Variants in LIMS1 observed in about 807,000 individuals in gnomAD.
LIMS1 encodes the protein LIM and senescent cell antigen-like-containing domain protein 1.
In LIMS1, 18 loss-of-function variants were observed where a neutral mutation model predicts 44.1. That is an observed-to-expected ratio of 0.41 (90% CI 0.28 to 0.61). The LOEUF is 0.61. Among genes scored for constraint, LIMS1 ranks in the 20% least tolerant of loss-of-function variants. The pLI is 0.32. For missense variants in LIMS1, 201 were observed against 422.0 expected (o/e 0.48, Z 4.59); for synonymous variants, 93 against 149.1 (o/e 0.62, Z 2.74).
At chr2:108,548,549 G>C (rs1054838389) in intron 1 of LIMS1, among the ~76,000 whole-genome samples, 2 of 152,178 alleles carry the variant, frequency 1.3e-5, no homozygotes, top group African/African-American at 4.8e-5. Context: ...GACAGAGGAC[G>C]TTGGTGAAGT....
At chr2:108,585,017 G>A (rs1686038014) in intron 1 of LIMS1, among the ~76,000 whole-genome samples, 1 of 151,956 alleles carries the variant, frequency 6.6e-6, no homozygotes, top group African/African-American at 2.4e-5. Flanking sequence ...CGAGCGTGGT[G>A]GCACGTGCCT....
At chr2:108,632,460 C>T (rs1688987156) in intron 1 of LIMS1, among the ~76,000 whole-genome samples, 1 of 152,148 alleles carries the variant, frequency 6.6e-6, no homozygotes, top group Admixed American at 6.5e-5. Flanking sequence ...CCAGGTGTCT[C>T]AAGGTCAGGC....
intron 1 of LIMS1, among the ~76,000 whole-genome samples, chr2:108,583,288 C>T (rs1456421148): frequency 3.3e-5 from 5 of 151,646 alleles, no homozygotes; most frequent in African/African-American, 9.7e-5. Flanking sequence ...GATGATCTGC[C>T]CGCCTAGGCC....
chr2:108,684,743 T>C (rs1294919391), exon 10 of LIMS1: 1 of 152,134 alleles, frequency 6.6e-6, no homozygotes, highest in Non-Finnish European at 1.5e-5. Flanking sequence ...GAAAATGAAG[T>C]ATTTTTAATG....
At chr2:108,609,535 C>A (rs1667517961) in intron 1 of LIMS1, among the ~76,000 whole-genome samples, 1 of 152,244 alleles carries the variant, frequency 6.6e-6, no homozygotes, top group Non-Finnish European at 1.5e-5. Context: ...TCTCCACCTT[C>A]CCATGCCTTT....
intron 2 of LIMS1, among the ~76,000 whole-genome samples, chr2:108,662,076 T>C (rs1691414584): frequency 6.6e-6 from 1 of 152,166 alleles, no homozygotes; most frequent in Non-Finnish European, 1.5e-5. Flanking sequence ...GAGAGCTCGG[T>C]CCAGGGGAGC....
intron 1 of LIMS1, among the ~76,000 whole-genome samples, chr2:108,605,295 C>T (rs1337329762): frequency 6.6e-6 from 1 of 152,006 alleles, no homozygotes; most frequent in Non-Finnish European, 1.5e-5. Context: ...ACAGACTTCC[C>T]CTGCTGGGCA....
chr2:108,551,675 C>T (rs951893874), intron 1 of LIMS1, among the ~76,000 whole-genome samples: 5 of 140,014 alleles, frequency 3.6e-5, no homozygotes, highest in Admixed American at 7.2e-5. Context: ...CACATATATA[C>T]ATATATACAC....
At chr2:108,679,139 T>C (rs1227434231) in intron 8 of LIMS1, among the ~76,000 whole-genome samples, 1 of 151,958 alleles carries the variant, frequency 6.6e-6, no homozygotes, top group Non-Finnish European at 1.5e-5. Context: ...TTACATATCA[T>C]TTACATTGTA....
Position 108,653,349 on chromosome 2 carries a change from G to C in LIMS1, c.33-6256G>C, listed in dbSNP as rs558923256. On this transcript the variant is annotated intron_variant, in intron 1 of 9. Transcript: ENST00000544547. ...TTTGTAACTAACACCTATCTCAGAA[G>C]CCGTGGGAAGGATTAAGGGATGTGA... is the stretch of plus-strand genomic sequence containing the variant. 2.7e-5 allele frequency among the ~76,000 whole-genome samples: 4 copies of C among 149,252 alleles called. No homozygotes were observed. The South Asian group carries it at 8.8e-4, about 33-fold the overall frequency.
intron 1 of LIMS1, among the ~76,000 whole-genome samples, chr2:108,576,983 T>C (rs1294426696): frequency 6.6e-6 from 1 of 152,142 alleles, no homozygotes; most frequent in African/African-American, 2.4e-5. Flanking sequence ...CAGCTTCACA[T>C]TTCCTTATAC....
At chr2:108,582,446 A>G (rs1685922522) in intron 1 of LIMS1, among the ~76,000 whole-genome samples, 1 of 152,204 alleles carries the variant, frequency 6.6e-6, no homozygotes, top group Admixed American at 6.5e-5. Flanking sequence ...GTTTAGGTTG[A>G]CATCATCAGG....
intron 3 of LIMS1, among the ~76,000 whole-genome samples, chr2:108,672,092 G>A (rs1278432649): frequency 2.5e-4 from 38 of 150,614 alleles, no homozygotes; most frequent in Non-Finnish European, 4.9e-4. Context: ...GCTTGAACCC[G>A]GGAGGCAGAG....
At chr2:108,675,296 T>C (rs984951601) in intron 5 of LIMS1, among the ~76,000 whole-genome samples, 6 of 147,646 alleles carry the variant, frequency 4.1e-5, no homozygotes. Flanking sequence ...CATCATTACA[T>C]AGCAGAGGGC....
intron 1 of LIMS1, among the ~76,000 whole-genome samples, chr2:108,592,272 T>C (rs1182969343): frequency 6.6e-6 from 1 of 152,116 alleles, no homozygotes; most frequent in Non-Finnish European, 1.5e-5. Context: ...AGTTACAGGA[T>C]GAAATGTTGA....
intron 1 of LIMS1, among the ~76,000 whole-genome samples, chr2:108,647,053 T>C (rs893932251): frequency 6.6e-6 from 1 of 151,878 alleles, no homozygotes; most frequent in African/African-American, 2.4e-5. Flanking sequence ...ATCAACAAAA[T>C]AGATAGACCA....
At chr2:108,659,716 C>T (rs144584482) in exon 2 of LIMS1, 86 of 1,612,466 alleles carry the variant, frequency 5.3e-5, no homozygotes, top group Middle Eastern at 4.2e-4. Flanking sequence ...AGCAGTGTTT[C>T]GTGTGCGCTC....
At chr2:108,539,388 A>G (rs1053089461) in intron 1 of LIMS1, among the ~76,000 whole-genome samples, 1 of 152,188 alleles carries the variant, frequency 6.6e-6, no homozygotes, top group Non-Finnish European at 1.5e-5. Context: ...CCCAGCTACC[A>G]GAGTTTTCAT....
intron 1 of LIMS1, among the ~76,000 whole-genome samples, chr2:108,590,437 G>A (rs1400685145): frequency 6.6e-6 from 1 of 152,226 alleles, no homozygotes; most frequent in Non-Finnish European, 1.5e-5. Flanking sequence ...AAGGCACTTT[G>A]CATAGCTGAT....
Sources: allele counts gnomAD v4.1 joint callset (sites outside exome capture counted in the v4.1 genomes callset), GRCh38; gene constraint gnomAD v4.1.1; transcripts MANE v1.5; gene names NCBI Gene and HGNC (gene_info 2026-07-23, HGNC 2026-07-21).